The following AIFM1 variants were observed in gnomAD, a reference collection of about 807,000 sequenced individuals.
AIFM1 encodes the protein apoptosis-inducing factor 1, mitochondrial.
In AIFM1, 3 loss-of-function variants were observed where a neutral mutation model predicts 51.7. The observed-to-expected ratio is 0.06, with a 90% CI of 0.03 to 0.15. The LOEUF (loss-of-function observed/expected upper bound fraction) is 0.15, where lower values mean the gene tolerates loss of function less well. Ranked by LOEUF, AIFM1 falls within the 10% of genes least tolerant of loss-of-function variation. AIFM1 has a pLI of 1.00. For synonymous variants in AIFM1, 178 were observed against 179.4 expected, an observed-to-expected ratio of 0.99 and a Z score of 0.06; for missense variants, 330 against 476.8, an observed-to-expected ratio of 0.69 and a Z score of 2.87.
At chrX:130,152,959 T>G (rs2031034969) in intron 2 of AIFM1, among the ~76,000 whole-genome samples, 1 of 111,336 alleles carries the variant, frequency 9.0e-6, no homozygotes, top group Non-Finnish European at 1.9e-5. Context: ...GCTTTGTTTC[T>G]TTTTATGTAT....
intron 10 of AIFM1, 55 bp downstream of exon 10, chrX:130,137,023 C>A: frequency 8.3e-7 from 1 of 1,210,762 alleles, no homozygotes; most frequent in South Asian, 1.8e-5. Context: ...CGAAGTTTGC[C>A]TTAGGTCACA....
rs370229006 is a variant in AIFM1, at chrX:130,165,582, G to A, written c.75C>T (p.Val25=). Residue 25 remains valine (V), a synonymous_variant, in exon 1 of 16, where the codon GTC becomes GTT. Transcript: ENST00000287295. The part of the protein sequence containing the change: ...KLVPLVRTVC[V]RSPRQRNRLP... ...GCCGGTTCCTCTGCCTCGGGCTTCGGACGCACACGGTCCGCACCAAGGGCA... is the reference window on the plus strand; with the variant it reads ...GCCGGTTCCTCTGCCTCGGGCTTCGAACGCACACGGTCCGCACCAAGGGCA... 2 of 1,200,246 alleles carry A rather than the reference G, an allele frequency of 1.7e-6. No homozygotes were observed. Among genetic ancestry groups the A allele is most frequent in the African/African-American group, 3.5e-5 (2 of 57,668 alleles).
intron 13 of AIFM1, 146 bp downstream of exon 13, chrX:130,133,167 G>A (rs2030172971): frequency 1.4e-6 from 1 of 711,420 alleles, no homozygotes; most frequent in African/African-American, 2.1e-5. Flanking sequence ...GCTACCTGAG[G>A]GTAGAATGTG....
intron 6 of AIFM1, among the ~76,000 whole-genome samples, chrX:130,143,948 G>A (rs1446957061): frequency 9.0e-6 from 1 of 111,582 alleles, no homozygotes; most frequent in Non-Finnish European, 1.9e-5. Context: ...ACAGACCCGG[G>A]CTCAAATTCT....
At chrX:130,158,523 A>G (rs1451023449) in intron 1 of AIFM1, among the ~76,000 whole-genome samples, 3 of 110,300 alleles carry the variant, frequency 2.7e-5, no homozygotes, top group Non-Finnish European at 5.7e-5. Context: ...TGCATTTCTA[A>G]CAAGTTCCCA....
intron 6 of AIFM1, among the ~76,000 whole-genome samples, chrX:130,141,617 T>C (rs1330796199): frequency 2.7e-5 from 3 of 111,461 alleles, no homozygotes; most frequent in African/African-American, 9.8e-5. Context: ...TTGAGGTTAC[T>C]GGTCTGCTGC....
At chrX:130,160,413 T>C (rs1482487928) in intron 1 of AIFM1, among the ~76,000 whole-genome samples, 1 of 112,150 alleles carries the variant, frequency 8.9e-6, no homozygotes, top group Admixed American at 9.5e-5. Context: ...ACACATACAA[T>C]GCAATTTCTT....
intron 2 of AIFM1, among the ~76,000 whole-genome samples, chrX:130,151,146 T>TC (rs1366468162): frequency 1.8e-5 from 2 of 108,223 alleles, no homozygotes; most frequent in East Asian, 5.7e-4. Context: ...CATATTCTTT[T>TC]CTTTTTTTTT....
chrX:130,162,083 A>G (rs2031370985), intron 1 of AIFM1, among the ~76,000 whole-genome samples: 1 of 112,339 alleles, frequency 8.9e-6, no homozygotes, highest in Non-Finnish European at 1.9e-5. Context: ...ATGCTGTACT[A>G]GGGTTCAGTC....
chrX:130,140,499 A>G, intron 7 of AIFM1, 34 bp downstream of exon 7: 3 of 1,122,501 alleles, frequency 2.7e-6, no homozygotes, highest in Non-Finnish European at 3.7e-6. Flanking sequence ...AATGAGCTGT[A>G]TCAGGGAAGA....
chrX:130,137,468 G>A (rs1184885963), intron 9 of AIFM1: 3 of 1,165,750 alleles, frequency 2.6e-6, no homozygotes, highest in Non-Finnish European at 3.4e-6. Context: ...TTACATAAGT[G>A]CTTTGCAACC....
At position 130,159,258 on chromosome X, in the gene AIFM1, T is replaced by C. The variant is rs149251988; in HGVS notation, c.107-2655A>G. On this transcript the variant is annotated intron_variant, in intron 1 of 15. Transcript: ENST00000287295. ...ACAATTTCAATTTCTGAATTACAGA[T>C]AAGAGACTTTAGATCTACACTCTTA... is the stretch of plus-strand genomic sequence containing the variant. 8.5e-3 allele frequency among the ~76,000 whole-genome samples: 697 copies of C among 81,758 alleles called. 6 individuals are homozygous for C. Among genetic ancestry groups the C allele is most frequent in the African/African-American group, 0.029 (647 of 21,961 alleles). 71.0% of individuals were successfully genotyped at this position (81,758 alleles called of 115,157 possible). A position where few individuals can be genotyped will look rare whatever the true frequency, so the allele number is the denominator to read the frequency against.
In AIFM1 at chrX:130,140,626, G is replaced by C; in HGVS notation, c.697-9C>G. 1 of 1,171,013 alleles carries C rather than the reference G, an allele frequency of 8.5e-7. No individual in the cohort carries two copies. The highest frequency in any genetic ancestry group is 1.2e-6 in the Non-Finnish European group (1 of 860,866). ...ACATCCAGCTGTACTACCTGGTACAGTCACACACATACACAAAAGAGGTAG... is the reference window on the plus strand; with the variant it reads ...ACATCCAGCTGTACTACCTGGTACACTCACACACATACACAAAAGAGGTAG... On this transcript the variant is annotated splice_polypyrimidine_tract_variant and intron_variant, in intron 6 of 15. Transcript: ENST00000287295.
chrX:130,137,074 C>G lies in AIFM1; in HGVS notation c.1075+4G>C, dbSNP rs374943447. 1.2e-4 allele frequency: 149 copies of G among 1,209,352 alleles called. No homozygotes were observed. The highest frequency in any genetic ancestry group is 1.6e-4 in the Non-Finnish European group (143 of 895,025). ...GTGGCAGCATATAGAAACAGTCTCT[C>G]TACCTCGTCTGACTTTTTCCATGGT... On this transcript the variant is annotated splice_donor_region_variant and intron_variant, in intron 10 of 15. Coordinates refer to ENST00000287295, the MANE Select transcript of AIFM1 (RefSeq NM_004208.4).
At chrX:130,157,037 C>T (rs1043446958) in intron 1 of AIFM1, among the ~76,000 whole-genome samples, 1 of 111,606 alleles carries the variant, frequency 9.0e-6, no homozygotes, top group African/African-American at 3.3e-5. Context: ...CAAAATAAAA[C>T]GCAACACTCT....
intron 9 of AIFM1, 35 bp from the exon 10 acceptor site, chrX:130,137,220 G>A: frequency 8.3e-7 from 1 of 1,209,966 alleles, no homozygotes; most frequent in Non-Finnish European, 1.1e-6. Context: ...ACAGCAGGAA[G>A]CAAAAGTCAA....
chrX:130,134,690 CG>C (rs1410672734), intron 12 of AIFM1, among the ~76,000 whole-genome samples: 1 of 110,227 alleles, frequency 9.1e-6, no homozygotes, highest in Non-Finnish European at 1.9e-5. Context: ...AACCTCCAGC[CG>C]GGGGTGAACT....
chrX:130,156,538 C>T lies in AIFM1; in HGVS notation c.172G>A (p.Gly58Ser). 3.3e-6 allele frequency: 4 copies of T among 1,211,482 alleles called. No homozygotes were observed. Among genetic ancestry groups the T allele is most frequent in the Non-Finnish European group, 4.5e-6 (4 of 895,286 alleles). ...TTATCGATTTTGCCCCCTGATGCAC[C>T]AGAGCTAGCCATTTGTCTTGTCATC... ...LQMTRQMASS[G>S]ASGGKIDNSV... The change falls in exon 2 of 16, where the codon GGT becomes AGT. Residue 58 changes from glycine (G) to serine (S), a missense_variant. By Grantham distance (56) the Gly-to-Ser change is moderately conservative. Coordinates refer to ENST00000287295, the MANE Select transcript of AIFM1 (RefSeq NM_004208.4).
At chrX:130,163,136 C>T (rs146843672) in intron 1 of AIFM1, among the ~76,000 whole-genome samples, 2,302 of 109,203 alleles carry the variant, frequency 0.021, 28 homozygotes, top group Non-Finnish European at 0.032. Flanking sequence ...TGGTGAAACC[C>T]CGTCTCTACT....
Sources: gnomAD v4.1 joint callset for allele counts (sites outside exome capture counted in the v4.1 genomes callset) on GRCh38, gnomAD v4.1.1 for gene constraint, MANE v1.5 for transcripts, NCBI Gene and HGNC (gene_info 2026-07-23, HGNC 2026-07-21) for gene names.